Variants in MARCHF1 observed in about 807,000 individuals in gnomAD.
MARCHF1 encodes membrane associated ring-CH-type finger 1.
In MARCHF1, 40 loss-of-function variants were observed where a neutral mutation model predicts 54.2. The ratio of observed to expected loss-of-function variants is 0.74; its 90% CI spans 0.57 to 0.96. MARCHF1 has a LOEUF of 0.96. MARCHF1 is among the 40% of genes least tolerant of loss of function. The pLI, the probability that MARCHF1 is intolerant of heterozygous loss-of-function variation, is 0.00. For missense variants in MARCHF1, 586 were observed against 656.5 expected, an observed-to-expected ratio of 0.89 and a Z score of 1.17; for synonymous variants, 236 against 236.3, an observed-to-expected ratio of 1.00 and a Z score of 0.01.
At chr4:163,557,090 G>A (rs558250533) in intron 8 of MARCHF1, among the ~76,000 whole-genome samples, 110 of 152,256 alleles carry the variant, frequency 7.2e-4, no homozygotes, top group Non-Finnish European at 1.3e-3. Context: ...TAGCAGGGAA[G>A]GGTTGGAGGT....
chr4:163,948,657 G>A (rs1452926030), intron 3 of MARCHF1, among the ~76,000 whole-genome samples: 3 of 151,694 alleles, frequency 2.0e-5, no homozygotes, highest in Non-Finnish European at 4.4e-5. Flanking sequence ...GAGGAGAGAA[G>A]CCATTCTAAA....
At chr4:163,524,552 G>A (rs1429183183), downstream of MARCHF1, 1 of 149,774 alleles carries the variant, frequency 6.7e-6, no homozygotes, top group Non-Finnish European at 1.5e-5. Context: ...GTTTCCCTCT[G>A]TTTGTGTATT....
intron 4 of MARCHF1, among the ~76,000 whole-genome samples, chr4:163,740,801 T>A (rs1025074102): frequency 5.3e-5 from 8 of 152,120 alleles, no homozygotes; most frequent in African/African-American, 1.9e-4. Flanking sequence ...TTTTACTGAG[T>A]AGGTGAATAG....
intron 1 of MARCHF1, among the ~76,000 whole-genome samples, chr4:164,172,853 G>C (rs958063316): frequency 4.6e-5 from 7 of 151,646 alleles, no homozygotes; most frequent in East Asian, 1.9e-4. Flanking sequence ...TGGTGGCGGG[G>C]GCCTGTAGTC....
In MARCHF1 at chr4:164,291,275, CAT is replaced by C. The variant is rs571205891; in HGVS notation, c.-323+92593_-323+92594del. 3.1e-4 allele frequency among the ~76,000 whole-genome samples: 47 copies of C among 151,972 alleles called. 1 individual carries two copies. The East Asian group carries it at 8.3e-3, about 27-fold the overall frequency. ...TAATAGGAGTCTTTTTTGGAAAGGA[CAT>C]AATGTGATTGATTTTTAGCTACATG... is the stretch of plus-strand genomic sequence containing the variant. On this transcript the variant is annotated intron_variant, in intron 1 of 9. Transcript: ENST00000514618.
chr4:164,005,566 T>A (rs910787338), intron 2 of MARCHF1, among the ~76,000 whole-genome samples: 22 of 152,108 alleles, frequency 1.4e-4, no homozygotes, highest in African/African-American at 5.3e-4. Flanking sequence ...AAAATGAGAT[T>A]GAGGTGGTCA....
chr4:163,762,500 A>G (rs1344964481), intron 4 of MARCHF1, among the ~76,000 whole-genome samples: 7 of 152,126 alleles, frequency 4.6e-5, no homozygotes, highest in Admixed American at 4.6e-4. Context: ...AAATGTCCTG[A>G]TTGTCCAAAT....
chr4:163,572,526 G>A (rs981348156), intron 8 of MARCHF1, among the ~76,000 whole-genome samples: 1 of 151,850 alleles, frequency 6.6e-6, no homozygotes, highest in Admixed American at 6.6e-5. Context: ...CTTTCCTTTA[G>A]TGTTGAAATT....
At chr4:163,906,601 C>G (rs1260572437) in intron 3 of MARCHF1, among the ~76,000 whole-genome samples, 2 of 151,666 alleles carry the variant, frequency 1.3e-5, no homozygotes, top group African/African-American at 2.4e-5. Flanking sequence ...TGCCATAAAC[C>G]TATTTATCAC....
At chr4:164,212,936 G>C (rs1031535367) in intron 1 of MARCHF1, among the ~76,000 whole-genome samples, 3 of 152,064 alleles carry the variant, frequency 2.0e-5, no homozygotes, top group African/African-American at 7.2e-5. Flanking sequence ...GGGCCTCCAG[G>C]GCATGAAAGG....
intron 1 of MARCHF1, among the ~76,000 whole-genome samples, chr4:164,135,663 A>G (rs1372941248): frequency 6.6e-6 from 1 of 152,218 alleles, no homozygotes; most frequent in East Asian, 1.9e-4. Flanking sequence ...ACCTGTAGGG[A>G]TTACAATTCA....
At chr4:163,909,850 G>A (rs541210848) in intron 3 of MARCHF1, among the ~76,000 whole-genome samples, 1 of 152,284 alleles carries the variant, frequency 6.6e-6, no homozygotes, top group East Asian at 1.9e-4. Context: ...GAGTTTGCTT[G>A]TATGTGATAT....
At chr4:164,101,165 A>C (rs2111157553) in intron 2 of MARCHF1, among the ~76,000 whole-genome samples, 1 of 152,328 alleles carries the variant, frequency 6.6e-6, no homozygotes, top group Middle Eastern at 3.4e-3. Flanking sequence ...TCAAACTGCA[A>C]GGCAGCAGCG....
chr4:163,930,537 TA>T (rs1368885246), intron 3 of MARCHF1, among the ~76,000 whole-genome samples: 1 of 150,648 alleles, frequency 6.6e-6, no homozygotes, highest in Non-Finnish European at 1.5e-5. Flanking sequence ...GGCTGGGTCA[TA>T]ATGCCCAGAT....
chr4:164,262,019 C>A (rs1183137715), intron 1 of MARCHF1, among the ~76,000 whole-genome samples: 2 of 149,814 alleles, frequency 1.3e-5, no homozygotes, highest in African/African-American at 4.9e-5. Context: ...GCAAGAGGAT[C>A]GCTTGAGTCC....
intron 2 of MARCHF1, among the ~76,000 whole-genome samples, chr4:164,055,759 A>G (rs1188531717): frequency 2.0e-5 from 3 of 152,206 alleles, no homozygotes; most frequent in Non-Finnish European, 4.4e-5. Context: ...TAAAATGCCT[A>G]CATATATATG....
intron 2 of MARCHF1, among the ~76,000 whole-genome samples, chr4:164,061,984 A>T (rs1754627209): frequency 6.6e-6 from 1 of 152,170 alleles, no homozygotes; most frequent in African/African-American, 2.4e-5. Flanking sequence ...ATTCTGTAGT[A>T]TGTGTTTGAT....
At chr4:164,251,728 C>A (rs1733134377) in intron 1 of MARCHF1, among the ~76,000 whole-genome samples, 1 of 152,074 alleles carries the variant, frequency 6.6e-6, no homozygotes, top group Admixed American at 6.6e-5. Context: ...GCCTTATTAA[C>A]CCTTCCAGCA....
chr4:164,360,970 TA>T (rs11322702), intron 1 of MARCHF1, among the ~76,000 whole-genome samples: 61,987 of 151,308 alleles, frequency 0.41, 13,614 homozygotes, highest in Non-Finnish European at 0.49. Context: ...TGCAGAATTT[TA>T]AAATTACATA....
Sources: allele counts gnomAD v4.1 joint callset (sites outside exome capture counted in the v4.1 genomes callset), GRCh38; gene constraint gnomAD v4.1.1; transcripts MANE v1.5; gene names NCBI Gene and HGNC (gene_info 2026-07-23, HGNC 2026-07-21).